Variants in CELSR1 observed in about 807,000 individuals in gnomAD.
CELSR1 encodes the protein adhesion G protein-coupled receptor C1.
In CELSR1, 110 loss-of-function variants were observed where a neutral mutation model predicts 249.1. The observed-to-expected ratio is 0.44, with a 90% confidence interval of 0.38 to 0.52. CELSR1 has a LOEUF of 0.52. CELSR1 is among the 20% of genes least tolerant of loss of function. CELSR1 has a pLI of 0.00. For synonymous variants in CELSR1, 2,113 were observed against 1,900.0 expected (o/e 1.11, Z -2.92); for missense variants, 4,109 against 4,296.4 (o/e 0.96, Z 1.22).
chr22:46,502,355 G>A (rs1473424106), intron 1 of CELSR1, among the ~76,000 whole-genome samples: 1 of 95,026 alleles, frequency 1.1e-5, no homozygotes. Flanking sequence ...GAGGAGGTGG[G>A]GAAAGTTGGA....
intron 2 of CELSR1, among the ~76,000 whole-genome samples, chr22:46,456,595 A>G (rs551468588): frequency 0.027 from 3,831 of 144,326 alleles, 91 homozygotes; most frequent in Non-Finnish European, 0.041. Flanking sequence ...CCTGGGAGGC[A>G]GAGCTTGCAG....
chr22:46,425,839 C>T (rs571329669), intron 5 of CELSR1, among the ~76,000 whole-genome samples: 108 of 151,846 alleles, frequency 7.1e-4, no homozygotes, highest in Non-Finnish European at 1.0e-3. Flanking sequence ...TGTTCTTATT[C>T]TAGGTTCTTG....
rs1318853369 is a variant in CELSR1 at position 46,512,179 on chromosome 22, G to A, written c.3544+21448C>T. Among the ~76,000 whole-genome samples the A allele has an allele frequency of 2.0e-5, 3 of 151,904 alleles. No individual in the cohort carries two copies. Among genetic ancestry groups the A allele is most frequent in the Admixed American group, 1.3e-4 (2 of 15,276 alleles). ...CGGCGCTCATAAGCCCTTACTAAGCGTGCTGCCCTCGAGGGCTCACAGCTA... is the reference window on the plus strand; with the variant it reads ...CGGCGCTCATAAGCCCTTACTAAGCATGCTGCCCTCGAGGGCTCACAGCTA... On this transcript the variant is annotated intron_variant, in intron 1 of 34. Transcript: ENST00000674500. The surrounding 1 kb of genome is among the most constrained non-coding windows in gnomAD (Gnocchi z 5.2).
In CELSR1 at chr22:46,396,824, C is replaced by T; in HGVS notation, c.5702-78G>A. The T allele has an allele frequency of 2.0e-6, 3 of 1,535,890 alleles. No homozygotes were observed. Among genetic ancestry groups the T allele is most frequent in the Non-Finnish European group, 2.6e-6 (3 of 1,132,780 alleles). ...CGTTAAAATATCTGGAGCAACCTGT[C>T]CCCTCCAGAAGATCTGACTTTCCCT... is the stretch of plus-strand genomic sequence containing the variant. On this transcript the variant is annotated intron_variant, in intron 12 of 34. Coordinates refer to ENST00000674500, the MANE Select transcript of CELSR1 (RefSeq NM_001378328.1). This position sits in a 1 kb window ranked among gnomAD's most constrained non-coding sequence, Gnocchi z 6.4.
rs530134360 is a variant in CELSR1 at position 46,387,004 on chromosome 22, T to A, written c.6556-419A>T. Among the ~76,000 whole-genome samples, 5 of 152,268 alleles carry A rather than the reference T, an allele frequency of 3.3e-5. No individual in the cohort carries two copies. The South Asian group carries it at 1.0e-3, about 32-fold the overall frequency. On this transcript the variant is annotated intron_variant, in intron 18 of 34. Coordinates refer to ENST00000674500, the MANE Select transcript of CELSR1 (RefSeq NM_001378328.1). Reference sequence around the variant, plus strand: ...AACTCCTGACCTCAGGTGATTCACCTGCCTCGGCCTCCCAAAGTGCTGGGA... The same window carrying A: ...AACTCCTGACCTCAGGTGATTCACCAGCCTCGGCCTCCCAAAGTGCTGGGA...
intron 2 of CELSR1, among the ~76,000 whole-genome samples, chr22:46,450,959 C>A (rs559060416): frequency 6.6e-6 from 1 of 152,176 alleles, no homozygotes; most frequent in African/African-American, 2.4e-5. Context: ...TGCGCAAGGG[C>A]GAGGTTACTA....
intron 30 of CELSR1, 24 bp downstream of exon 30, chr22:46,366,362 C>G (rs773193859): frequency 9.3e-5 from 142 of 1,522,116 alleles, no homozygotes; most frequent in Non-Finnish European, 1.2e-4. Flanking sequence ...AGCCACCTCC[C>G]CGAACCCGGA....
Position 46,391,051 on chromosome 22 carries a change from A to G in CELSR1, c.6250+135T>C. On this transcript the variant is annotated intron_variant, in intron 16 of 34. Transcript: ENST00000674500. This position sits in a 1 kb window ranked among gnomAD's most constrained non-coding sequence, Gnocchi z 4.3. ...TGTATTTCCTGGTAGGGAAAAGGCGATCGGATTTCTCCCCAGCACTTTGCC... is the reference window on the plus strand; with the variant it reads ...TGTATTTCCTGGTAGGGAAAAGGCGGTCGGATTTCTCCCCAGCACTTTGCC... 4.3e-6 allele frequency: 3 copies of G among 695,258 alleles called. No homozygotes were observed. The highest frequency in any genetic ancestry group is 7.2e-6 in the Non-Finnish European group (3 of 416,492). The allele number at this position is 695,258 out of a possible 1,614,324, so 43.1% of individuals were successfully genotyped here.
intron 1 of CELSR1, among the ~76,000 whole-genome samples, chr22:46,493,826 A>C (rs5768835): frequency 0.52 from 78,937 of 151,930 alleles, 22,750 homozygotes; most frequent in African/African-American, 0.79. Context: ...TTTGCTTTCC[A>C]CCATGATTGT....
In CELSR1 at chr22:46,391,274, G is replaced by A. The variant is rs2079087876; in HGVS notation, c.6162C>T (p.Gly2054=). The A allele has an allele frequency of 1.2e-6, 2 of 1,613,530 alleles. No homozygotes were observed. Among genetic ancestry groups the A allele is most frequent in the African/African-American group, 2.7e-5 (2 of 74,904 alleles). The part of the protein sequence containing the change: ...TTLGCEVIYN[G]CPKAFEAGIW... ...TGCCGGCCTCAAATGCTTTGGGACAGCCATTGTAGATCACTGGGGTAGAGA... is the reference window on the plus strand; with the variant it reads ...TGCCGGCCTCAAATGCTTTGGGACAACCATTGTAGATCACTGGGGTAGAGA... Residue 2054 remains glycine, a synonymous_variant, in exon 16 of 35, where the codon GGC becomes GGT. Transcript: ENST00000674500. The surrounding 1 kb of genome is among the most constrained non-coding windows in gnomAD (Gnocchi z 4.3).
At chr22:46,478,531 CAA>C (rs2080233206) in intron 1 of CELSR1, among the ~76,000 whole-genome samples, 1 of 151,388 alleles carries the variant, frequency 6.6e-6, no homozygotes, top group Non-Finnish European at 1.5e-5. Flanking sequence ...GAGCTGTGGA[CAA>C]TAAAGATGAG....
intron 1 of CELSR1, among the ~76,000 whole-genome samples, chr22:46,501,398 G>T (rs553089191): frequency 1.3e-5 from 2 of 152,044 alleles, no homozygotes; most frequent in Admixed American, 6.6e-5. Context: ...TAGAGACGAG[G>T]TTTCACCATG....
chr22:46,497,418 G>A (rs1470610421), intron 1 of CELSR1, among the ~76,000 whole-genome samples: 3 of 152,130 alleles, frequency 2.0e-5, no homozygotes, highest in Non-Finnish European at 2.9e-5. Context: ...TACAAAGTCT[G>A]GCAAGGAGAA....
In CELSR1 at chr22:46,427,544, A is replaced by C. The variant is rs1444244525; in HGVS notation, c.4611+5849T>G. 6.6e-6 allele frequency among the ~76,000 whole-genome samples: 1 copy of C among 152,110 alleles called. No homozygotes were observed. Among genetic ancestry groups the C allele is most frequent in the Non-Finnish European group, 1.5e-5 (1 of 68,020 alleles). ...GGGACTCCATCTCAAAAATAAAATA[A>C]ATAAAATACACCCTACAACTATGGC... On this transcript the variant is annotated intron_variant, in intron 5 of 34. Coordinates refer to ENST00000674500, the MANE Select transcript of CELSR1 (RefSeq NM_001378328.1). The surrounding 1 kb of genome is among the most constrained non-coding windows in gnomAD (Gnocchi z 4.2).
At chr22:46,422,881 C>G (rs191682929) in intron 5 of CELSR1, among the ~76,000 whole-genome samples, 19 of 152,122 alleles carry the variant, frequency 1.2e-4, no homozygotes, top group Admixed American at 9.8e-4. Context: ...AAAAGGAACA[C>G]GAAATCCACC....
chr22:46,521,780 G>A (rs1036415652), intron 1 of CELSR1, among the ~76,000 whole-genome samples: 1 of 152,194 alleles, frequency 6.6e-6, no homozygotes, highest in African/African-American at 2.4e-5. Context: ...TCGCGCCATT[G>A]CACTCCAGCC....
At position 46,518,610 on chromosome 22, in the gene CELSR1, G is replaced by A. The variant is rs1384930518; in HGVS notation, c.3544+15017C>T. ...TAACTTGGAAATAAAGGCTGCAGAT[G>A]AAGATATAAATTAAGATGGGGCCAG... On this transcript the variant is annotated intron_variant, in intron 1 of 34. Transcript: ENST00000674500. The surrounding 1 kb of genome is among the most constrained non-coding windows in gnomAD (Gnocchi z 5.2). Among the ~76,000 whole-genome samples the A allele has an allele frequency of 1.3e-5, 2 of 152,258 alleles. No individual in the cohort carries two copies. The highest frequency in any genetic ancestry group is 4.8e-5 in the African/African-American group (2 of 41,472).
intron 1 of CELSR1, among the ~76,000 whole-genome samples, chr22:46,528,157 C>T (rs991869767): frequency 3.3e-5 from 5 of 151,636 alleles, no homozygotes; most frequent in East Asian, 1.9e-4. Flanking sequence ...CAGAAAAGCA[C>T]GCTGCCATGC....
intron 27 of CELSR1, among the ~76,000 whole-genome samples, chr22:46,368,488 C>T (rs1233516740): frequency 6.6e-6 from 1 of 151,856 alleles, no homozygotes; most frequent in Non-Finnish European, 1.5e-5. Flanking sequence ...TCGGCTCTCT[C>T]CTCCCGGGCC....
Sources: allele counts gnomAD v4.1 joint callset (sites outside exome capture counted in the v4.1 genomes callset), GRCh38; gene constraint gnomAD v4.1.1; non-coding constraint Gnocchi (gnomAD v3.1); transcripts MANE v1.5; gene names NCBI Gene and HGNC (gene_info 2026-07-23, HGNC 2026-07-21).